Variants in CDH4 observed in about 807,000 individuals in gnomAD.
CDH4 encodes cadherin 4.
Under a neutral mutation model 86.0 loss-of-function variants are expected in CDH4, and 33 were observed. The observed-to-expected ratio is 0.38, with a 90% confidence interval of 0.29 to 0.51. The LOEUF (loss-of-function observed/expected upper bound fraction) is 0.51. CDH4 is among the 20% of genes least tolerant of loss of function. The pLI is 0.86. For missense variants in CDH4, 1,114 were observed against 1,307.4 expected (o/e 0.85, Z 2.28); for synonymous variants, 555 against 549.4 (o/e 1.01, Z -0.14).
intron 5 of CDH4, among the ~76,000 whole-genome samples, chr20:61,845,497 G>A (rs1355827682): frequency 6.6e-6 from 1 of 152,230 alleles, no homozygotes; most frequent in Non-Finnish European, 1.5e-5. Context: ...AGTGGGGAGT[G>A]CACATCCCTT....
At chr20:61,792,602 G>A (rs1979261954) in intron 4 of CDH4, among the ~76,000 whole-genome samples, 1 of 152,128 alleles carries the variant, frequency 6.6e-6, no homozygotes, top group Non-Finnish European at 1.5e-5. Context: ...CCCAAAAAAT[G>A]TAAATCAAAA....
intron 2 of CDH4, among the ~76,000 whole-genome samples, chr20:61,670,120 C>T (rs751165720): frequency 8.5e-5 from 13 of 152,154 alleles, no homozygotes; most frequent in African/African-American, 1.9e-4. Flanking sequence ...ACCATAGCTC[C>T]GAGTAGCTGG....
chr20:61,401,987 C>T (rs112105542), intron 2 of CDH4, among the ~76,000 whole-genome samples: 18 of 152,328 alleles, frequency 1.2e-4, no homozygotes, highest in African/African-American at 3.4e-4. Flanking sequence ...AGGTGTATCA[C>T]GGAGGCCAGC....
chr20:61,679,883 G>A (rs941666759), intron 2 of CDH4, among the ~76,000 whole-genome samples: 11 of 152,216 alleles, frequency 7.2e-5, no homozygotes, highest in African/African-American at 2.7e-4. Context: ...GACTTCCAAG[G>A]CTCTTCACCA....
At chr20:61,428,476 A>T (rs2085226747) in intron 2 of CDH4, among the ~76,000 whole-genome samples, 1 of 152,242 alleles carries the variant, frequency 6.6e-6, no homozygotes, top group Admixed American at 6.5e-5. Context: ...GCCAGAAAGC[A>T]TCTGGCTTAA....
intron 2 of CDH4, among the ~76,000 whole-genome samples, chr20:61,440,251 T>C (rs2085307099): frequency 6.6e-6 from 1 of 152,106 alleles, no homozygotes; most frequent in South Asian, 2.1e-4. Context: ...CCCATGAGAG[T>C]AGAAGACACT....
chr20:61,579,770 G>A (rs1224923284), intron 2 of CDH4, among the ~76,000 whole-genome samples: 1 of 152,036 alleles, frequency 6.6e-6, no homozygotes, highest in East Asian at 1.9e-4. Context: ...TGCAAAACTA[G>A]ATGACATTTG....
chr20:61,498,263 A>G (rs1260550634), intron 2 of CDH4, among the ~76,000 whole-genome samples: 1 of 152,140 alleles, frequency 6.6e-6, no homozygotes, highest in Non-Finnish European at 1.5e-5. Flanking sequence ...AAATAAACAC[A>G]CAAGACTAGT....
intron 8 of CDH4, among the ~76,000 whole-genome samples, chr20:61,898,633 G>A (rs1179669925): frequency 6.6e-6 from 1 of 152,148 alleles, no homozygotes; most frequent in African/African-American, 2.4e-5. Context: ...GGGTCCCCTG[G>A]AGTCAGGAAG....
At chr20:61,468,901 A>G (rs1278797005) in intron 2 of CDH4, among the ~76,000 whole-genome samples, 6 of 152,074 alleles carry the variant, frequency 3.9e-5, no homozygotes, top group Non-Finnish European at 8.8e-5. Context: ...ATTCTTTTTT[A>G]TGGCTGAATA....
intron 2 of CDH4, among the ~76,000 whole-genome samples, chr20:61,287,230 T>A (rs2084297915): frequency 6.6e-6 from 1 of 152,142 alleles, no homozygotes; most frequent in South Asian, 2.1e-4. Context: ...CTACTCTCAG[T>A]GCACACTACA....
chr20:61,486,371 A>G (rs1437498948), intron 2 of CDH4, among the ~76,000 whole-genome samples: 11 of 152,222 alleles, frequency 7.2e-5, no homozygotes, highest in African/African-American at 7.2e-5. Flanking sequence ...TGGACATCAC[A>G]GTCCCAGGAC....
chr20:61,735,728 G>A (rs769583672), intron 2 of CDH4, among the ~76,000 whole-genome samples: 1 of 152,210 alleles, frequency 6.6e-6, no homozygotes, highest in Non-Finnish European at 1.5e-5. Context: ...CAGGAATGGA[G>A]GAATCGACTT....
At chr20:61,468,319 G>A (rs532448965) in intron 2 of CDH4, among the ~76,000 whole-genome samples, 8 of 152,324 alleles carry the variant, frequency 5.3e-5, no homozygotes, top group African/African-American at 1.7e-4. Flanking sequence ...GCCTCTCCCA[G>A]GGCCAAAGGC....
chr20:61,714,910 C>T (rs192395459), intron 2 of CDH4, among the ~76,000 whole-genome samples: 70 of 152,266 alleles, frequency 4.6e-4, no homozygotes, highest in Non-Finnish European at 3.8e-4. Context: ...ACGTCTTTTC[C>T]ATTGGGTAGA....
chr20:61,341,856 G>A (rs921141983), intron 2 of CDH4, among the ~76,000 whole-genome samples: 1 of 152,262 alleles, frequency 6.6e-6, no homozygotes, highest in South Asian at 2.1e-4. Flanking sequence ...ACTTGGAGAC[G>A]CCCATCCTGC....
intron 2 of CDH4, among the ~76,000 whole-genome samples, chr20:61,477,308 G>A (rs377042536): frequency 4.6e-5 from 7 of 151,070 alleles, no homozygotes; most frequent in African/African-American, 1.7e-4. Context: ...TCATTACGAT[G>A]GTGGAGACAT....
chr20:61,495,287 G>C (rs1415927937), intron 2 of CDH4, among the ~76,000 whole-genome samples: 1 of 152,218 alleles, frequency 6.6e-6, no homozygotes, highest in African/African-American at 2.4e-5. Context: ...TCAGGCACCT[G>C]AGGGGGAGCC....
At chr20:61,621,287 A>C (rs2086775045) in intron 2 of CDH4, among the ~76,000 whole-genome samples, 1 of 152,326 alleles carries the variant, frequency 6.6e-6, no homozygotes, top group Non-Finnish European at 1.5e-5. Flanking sequence ...CGCGCTGTCA[A>C]GATCTGTTTG....
Sources: allele counts gnomAD v4.1 joint callset (sites outside exome capture counted in the v4.1 genomes callset), GRCh38; gene constraint gnomAD v4.1.1; transcripts MANE v1.5; gene names NCBI Gene and HGNC (gene_info 2026-07-23, HGNC 2026-07-21).